PIK3R4: variants seen among roughly 807,000 people sequenced by gnomAD.
PIK3R4 encodes the protein phosphoinositide 3-kinase regulatory subunit 4.
In PIK3R4, 46 loss-of-function variants were observed where a neutral mutation model predicts 136.5. The ratio of observed to expected loss-of-function variants is 0.34; its 90% confidence interval spans 0.27 to 0.43. The LOEUF (loss-of-function observed/expected upper bound fraction) is 0.43. PIK3R4 is among the 20% of genes least tolerant of loss of function. The pLI, the probability that PIK3R4 is intolerant of heterozygous loss-of-function variation, is 1.00. For missense variants in PIK3R4, 1,331 were observed against 1,649.5 expected, an observed-to-expected ratio of 0.81 and a Z score of 3.35; for synonymous variants, 557 against 566.7, an observed-to-expected ratio of 0.98 and a Z score of 0.24.
chr3:130,743,128 G>A (rs879741752), intron 2 of PIK3R4, among the ~76,000 whole-genome samples: 5 of 152,090 alleles, frequency 3.3e-5, no homozygotes, highest in Non-Finnish European at 5.9e-5. Flanking sequence ...ACCAACTGCT[G>A]GGTTAGGTGT....
intron 1 of PIK3R4, among the ~76,000 whole-genome samples, chr3:130,746,019 G>A (rs1385828375): frequency 6.7e-6 from 1 of 150,006 alleles, no homozygotes; most frequent in Non-Finnish European, 1.5e-5. Flanking sequence ...GACTCCGTCC[G>A]TCTCAAAAAA....
At chr3:130,702,391 A>C (rs2107606553) in intron 13 of PIK3R4, among the ~76,000 whole-genome samples, 1 of 152,328 alleles carries the variant, frequency 6.6e-6, no homozygotes, top group South Asian at 2.1e-4. Context: ...TGACCAATAC[A>C]ACACAAACAG....
rs2066841271 is a variant in PIK3R4 at position 130,744,340 on chromosome 3, G to C, written c.733+146C>G. On this transcript the variant is annotated intron_variant, in intron 2 of 19. Transcript: ENST00000356763. ...AGGCATTTAAACATATCCAATGCAG[G>C]AATGCTGCCTCTAACTGAAATAGCG... 3 of 808,524 alleles carry C rather than the reference G, an allele frequency of 3.7e-6. No individual in the cohort carries two copies. The East Asian group carries it at 7.5e-5, about 20-fold the overall frequency. 50.1% of individuals were successfully genotyped at this position (808,524 alleles called of 1,614,324 possible).
rs764466838 is a variant in PIK3R4 at position 130,686,400 on chromosome 3, C to T, written c.3286G>A (p.Gly1096Ser). 1.3e-5 allele frequency: 21 copies of T among 1,610,072 alleles called. No individual in the cohort carries two copies. Among genetic ancestry groups the T allele is most frequent in the Non-Finnish European group, 1.7e-5 (20 of 1,176,318 alleles). ...QSRILDQKED[G>S]CVVDMHHFNS... ...AAGTGATGCATATCCACAACACAACCGTCCTCCTTCTGATCTAGAATTCTA... is the reference window on the plus strand; with the variant it reads ...AAGTGATGCATATCCACAACACAACTGTCCTCCTTCTGATCTAGAATTCTA... Residue 1096 changes from glycine to serine, a missense_variant, in exon 15 of 20, where the codon GGT (glycine) becomes AGT (serine). Transcript: ENST00000356763.
intron 13 of PIK3R4, among the ~76,000 whole-genome samples, chr3:130,690,864 T>A (rs1025511256): frequency 6.6e-6 from 1 of 151,398 alleles, no homozygotes. Context: ...CACACACTTC[T>A]CTCTATCATA....
intron 2 of PIK3R4, among the ~76,000 whole-genome samples, chr3:130,737,450 A>C (rs2066792360): frequency 6.6e-6 from 1 of 152,220 alleles, no homozygotes; most frequent in Non-Finnish European, 1.5e-5. Flanking sequence ...ACTTGAGGTC[A>C]GGAGTTCGAG....
At chr3:130,732,713 C>T (rs2066765621) in intron 4 of PIK3R4, among the ~76,000 whole-genome samples, 1 of 151,564 alleles carries the variant, frequency 6.6e-6, no homozygotes, top group South Asian at 2.1e-4. Flanking sequence ...AGAGATAAGA[C>T]CAGAGTCCAA....
chr3:130,699,729 C>A (rs1452890378), intron 13 of PIK3R4, among the ~76,000 whole-genome samples: 2 of 152,152 alleles, frequency 1.3e-5, no homozygotes. Flanking sequence ...ACCCCATATG[C>A]TTTTCTTAAA....
At chr3:130,732,002 C>G (rs898986953) in intron 4 of PIK3R4, among the ~76,000 whole-genome samples, 3 of 152,116 alleles carry the variant, frequency 2.0e-5, no homozygotes, top group Non-Finnish European at 4.4e-5. Flanking sequence ...AATAACAATG[C>G]AAGGTGCTGG....
Position 130,716,484 on chromosome 3 carries a change from C to T in PIK3R4, c.2243G>A (p.Arg748His), listed in dbSNP as rs767086065. 16 of 1,613,940 alleles carry T rather than the reference C, an allele frequency of 9.9e-6. No homozygotes were observed. The highest frequency in any genetic ancestry group is 2.2e-5 in the East Asian group (1 of 44,878). The change falls in exon 9 of 20, where the codon CGT becomes CAT. Residue 748 changes from arginine (R) to histidine (H), a missense_variant. Arg to His is a conservative substitution (Grantham distance 29, BLOSUM62 0). This residue lies in a region of PIK3R4 where 1,180 missense variants were observed against 1,407.0 expected (regional missense o/e 0.84). Coordinates refer to ENST00000356763, the MANE Select transcript of PIK3R4 (RefSeq NM_014602.3). ...AAGAGAACCATTTCGTTTCTTCTGA[C>T]GCATGTGAAGATGTCTGAACAAGCT... is the stretch of plus-strand genomic sequence containing the variant. ...ITSLFRHLHMRQKKRNGSLPD... is the reference protein window; with the variant it reads ...ITSLFRHLHMHQKKRNGSLPD...
At chr3:130,699,733 T>C (rs1316951074) in intron 13 of PIK3R4, among the ~76,000 whole-genome samples, 1 of 152,236 alleles carries the variant, frequency 6.6e-6, no homozygotes, top group Non-Finnish European at 1.5e-5. Flanking sequence ...CATATGCTTT[T>C]CTTAAACCTA....
chr3:130,717,333 C>A (rs1346854413), intron 8 of PIK3R4, among the ~76,000 whole-genome samples: 1 of 152,036 alleles, frequency 6.6e-6, no homozygotes, highest in Admixed American at 6.5e-5. Flanking sequence ...AGCCTCTCAA[C>A]TTCTGATCCT....
intron 8 of PIK3R4, 95 bp from the exon 9 acceptor site, chr3:130,716,694 C>T: frequency 2.7e-6 from 2 of 745,636 alleles, no homozygotes; most frequent in East Asian, 2.7e-5. Flanking sequence ...TTAACATATT[C>T]ATTTTCTAAG....
chr3:130,744,013 C>T (rs2066839492), intron 2 of PIK3R4, among the ~76,000 whole-genome samples: 1 of 152,172 alleles, frequency 6.6e-6, no homozygotes, highest in Non-Finnish European at 1.5e-5. Context: ...ATGTAAATAT[C>T]ATCTTTCTAT....
At chr3:130,683,612 ATG>A (rs1224030171) in intron 16 of PIK3R4, among the ~76,000 whole-genome samples, 5 of 152,212 alleles carry the variant, frequency 3.3e-5, no homozygotes, top group Non-Finnish European at 5.9e-5. Flanking sequence ...GCGATGGACT[ATG>A]TGTACAAGAA....
rs1407545523 is a variant in PIK3R4, at chr3:130,678,994, CTTACAACCATCT to C, written c.*309_*320del. The C allele has an allele frequency of 6.1e-6, 1 of 162,902 alleles. No individual in the cohort carries two copies. The highest frequency in any genetic ancestry group is 1.3e-5 in the Non-Finnish European group (1 of 75,128). The allele number at this position is 162,902 out of a possible 1,614,324, so 10.1% of individuals were successfully genotyped here. The stretch of plus-strand genomic sequence containing the variant: ...CAAAAATGTGTTTATACTATAATAG[CTTACAACCATCT>C]TTTCAACCATCTTTTTCAATACAAA... On this transcript the variant is annotated 3_prime_UTR_variant, in exon 20 of 20. Transcript: ENST00000356763.
At chr3:130,740,692 T>C (rs2066817716) in intron 2 of PIK3R4, among the ~76,000 whole-genome samples, 1 of 152,052 alleles carries the variant, frequency 6.6e-6, no homozygotes, top group South Asian at 2.1e-4. Context: ...ATCGCGCCAC[T>C]GCACTCCAGC....
chr3:130,744,089 A>G (rs770182582), intron 2 of PIK3R4, among the ~76,000 whole-genome samples: 3 of 152,168 alleles, frequency 2.0e-5, no homozygotes, highest in Non-Finnish European at 2.9e-5. Context: ...TTAAATATCT[A>G]TGTGTTCCTA....
intron 2 of PIK3R4, among the ~76,000 whole-genome samples, chr3:130,740,824 A>G (rs978755669): frequency 9.2e-5 from 14 of 152,218 alleles, no homozygotes; most frequent in Admixed American, 6.5e-5. Flanking sequence ...AAGGTTAGGG[A>G]AAAAATGGGG....
Sources: gnomAD v4.1 joint callset for allele counts (sites outside exome capture counted in the v4.1 genomes callset) on GRCh38, gnomAD v4.1.1 for gene constraint, gnomAD v4.1.1 regional missense constraint, MANE v1.5 for transcripts, NCBI Gene and HGNC (gene_info 2026-07-23, HGNC 2026-07-21) for gene names.